The following HEATR5B variants were observed in gnomAD, a reference collection of about 807,000 sequenced individuals.
HEATR5B encodes HEAT repeat containing 5B.
In HEATR5B, 156 loss-of-function variants were observed where a neutral mutation model predicts 224.1. The ratio of observed to expected loss-of-function variants is 0.70; its 90% CI spans 0.61 to 0.80. HEATR5B has a LOEUF of 0.80. Ranked by LOEUF, HEATR5B falls within the 30% of genes least tolerant of loss-of-function variation. The pLI, the probability that HEATR5B is intolerant of heterozygous loss-of-function variation, is 0.00. For synonymous variants in HEATR5B, 1,027 were observed against 893.0 expected, an observed-to-expected ratio of 1.15 and a Z score of -2.68; for missense variants, 2,323 against 2,535.5, an observed-to-expected ratio of 0.92 and a Z score of 1.80.
At chr2:37,031,663 A>G (rs553388321) in intron 22 of HEATR5B, among the ~76,000 whole-genome samples, 7 of 152,142 alleles carry the variant, frequency 4.6e-5, no homozygotes, top group Non-Finnish European at 1.0e-4. Context: ...GATTTTTATA[A>G]TAAACTTCTT....
intron 12 of HEATR5B, among the ~76,000 whole-genome samples, chr2:37,059,391 CAGAT>C (rs1332591124): frequency 7.6e-6 from 1 of 131,912 alleles, no homozygotes; most frequent in Non-Finnish European, 1.6e-5. Context: ...GCAACTTTTA[CAGAT>C]ATATATGTAT....
intron 18 of HEATR5B, among the ~76,000 whole-genome samples, chr2:37,046,329 T>C (rs1039618648): frequency 2.0e-5 from 3 of 152,302 alleles, no homozygotes; most frequent in East Asian, 3.9e-4. Context: ...ACCAGACTTC[T>C]GGCAACCTCA....
rs1489864419 is a variant in HEATR5B, at chr2:37,000,936, C to T, written c.5318-123G>A. ...TATTGTTTTTTTCCTTGTCTTTATA[C>T]AAAATTTACTGTATTACTACTACTA... On this transcript the variant is annotated intron_variant, in intron 32 of 35. Transcript: ENST00000233099. 30 of 641,392 alleles carry T rather than the reference C, an allele frequency of 4.7e-5. No homozygotes were observed. The Admixed American group carries it at 7.2e-4, about 15-fold the overall frequency. The allele number at this position is 641,392 out of a possible 1,614,324, so 39.7% of individuals were successfully genotyped here.
Position 37,041,238 on chromosome 2 carries a change from A to G in HEATR5B, c.2751T>C (p.Gly917=). ...TTCCACCAACATAACGATGCAAACA[A>G]CCAAGAGCCAATGAATGACCAGTCC... ...VSRTGHSLAL[G]CLHRYVGGIG... The change falls in exon 19 of 36, where the codon GGT becomes GGC. Residue 917 remains glycine (G), a synonymous_variant. Coordinates refer to ENST00000233099, the MANE Select transcript of HEATR5B (RefSeq NM_019024.3). 1.9e-6 allele frequency: 3 copies of G among 1,614,156 alleles called. 1 individual carries two copies. The South Asian group carries it at 3.3e-5, about 18-fold the overall frequency.
intron 35 of HEATR5B, among the ~76,000 whole-genome samples, chr2:36,984,102 A>C (rs1343275711): frequency 2.7e-5 from 4 of 148,554 alleles, no homozygotes; most frequent in Non-Finnish European, 4.5e-5. Context: ...CCTGAGGCTG[A>C]GGCAGGAGAA....
At chr2:37,034,188 A>T (rs1196592015) in intron 21 of HEATR5B, among the ~76,000 whole-genome samples, 1 of 150,528 alleles carries the variant, frequency 6.6e-6, no homozygotes, top group Non-Finnish European at 1.5e-5. Context: ...TTGTATTTTT[A>T]GTAGAGATGG....
intron 30 of HEATR5B, among the ~76,000 whole-genome samples, 172 bp from the exon 31 acceptor site, chr2:37,003,858 A>AT: frequency 6.6e-6 from 1 of 152,196 alleles, no homozygotes; most frequent in Non-Finnish European, 1.5e-5. Flanking sequence ...AAATGGTCAC[A>AT]TTTTACTCCT....
intron 17 of HEATR5B, among the ~76,000 whole-genome samples, chr2:37,051,354 C>CAAA (rs11313174): frequency 1.5e-4 from 10 of 66,042 alleles, no homozygotes; most frequent in African/African-American, 3.4e-4. Context: ...AACTCCATCT[C>CAAA]AAAAAAAAAA....
chr2:37,043,189 T>C (rs1479488322), intron 18 of HEATR5B, among the ~76,000 whole-genome samples: 1 of 152,156 alleles, frequency 6.6e-6, no homozygotes, highest in Non-Finnish European at 1.5e-5. Flanking sequence ...TTTAAACAAG[T>C]GAGATCAAGA....
At chr2:37,078,433 T>G (rs1181840824) in intron 3 of HEATR5B, among the ~76,000 whole-genome samples, 1 of 152,208 alleles carries the variant, frequency 6.6e-6, no homozygotes, top group East Asian at 1.9e-4. Flanking sequence ...TATAATCAAT[T>G]CTACTTAACC....
In HEATR5B at chr2:37,000,797, C is replaced by A. The variant is rs751496477; in HGVS notation, c.5334G>T (p.Leu1778=). ...TTGCAATTAAGAACAGAATTGTGGGCAGGATTGTCATACATCCTGAAAGAA... is the reference window on the plus strand; with the variant it reads ...TTGCAATTAAGAACAGAATTGTGGGAAGGATTGTCATACATCCTGAAAGAA... The part of the protein sequence containing the change: ...LCSPAGCMTI[L]PTILFLIARI... Residue 1778 remains leucine, a synonymous_variant, in exon 33 of 36, where the codon CTG becomes CTT. Transcript: ENST00000233099. 6.2e-6 allele frequency: 10 copies of A among 1,612,442 alleles called. No individual in the cohort carries two copies. In the South Asian group the frequency reaches 1.1e-4, roughly 18 times the overall value.
rs1669214268 is a variant in HEATR5B at position 37,032,789 on chromosome 2, A to C, written c.3217-16T>G. 5.6e-6 allele frequency: 9 copies of C among 1,605,940 alleles called. No individual in the cohort carries two copies. Among genetic ancestry groups the C allele is most frequent in the Non-Finnish European group, 7.6e-6 (9 of 1,176,680 alleles). On this transcript the variant is annotated splice_polypyrimidine_tract_variant and intron_variant, in intron 21 of 35. Transcript: ENST00000233099. ...ATAAGTGAACCTGTAAATCATAACAATGTTAGGCGATTTCTCTTTAAAAAG... is the reference window on the plus strand; with the variant it reads ...ATAAGTGAACCTGTAAATCATAACACTGTTAGGCGATTTCTCTTTAAAAAG...
intron 20 of HEATR5B, among the ~76,000 whole-genome samples, chr2:37,039,276 C>T (rs1669727523): frequency 6.6e-6 from 1 of 152,000 alleles, no homozygotes; most frequent in Non-Finnish European, 1.5e-5. Context: ...ACCAGCCTGG[C>T]CAACATGGTG....
Position 37,057,332 on chromosome 2 carries a change from T to C in HEATR5B, c.2208A>G (p.Lys736=). 3 of 1,605,172 alleles carry C rather than the reference T, an allele frequency of 1.9e-6. No individual in the cohort carries two copies. Among genetic ancestry groups the C allele is most frequent in the Non-Finnish European group, 1.7e-6 (2 of 1,177,196 alleles). Residue 736 remains lysine (K), a synonymous_variant, in exon 15 of 36, where the codon AAA becomes AAG. Coordinates refer to ENST00000233099, the MANE Select transcript of HEATR5B (RefSeq NM_019024.3). ...LGSWLQETDH[K]SIEDQLQPNS... ...TGTTTATTACCTGGTCTTCAATTGA[T>C]TTATGATCAGTTTCCTGAAGCCAAG...
intron 34 of HEATR5B, 147 bp downstream of exon 34, chr2:36,990,501 C>T (rs1666256838): frequency 3.2e-6 from 2 of 623,104 alleles, no homozygotes; most frequent in South Asian, 2.7e-5. Flanking sequence ...TGCTTAAACC[C>T]AGTGATTTGT....
At chr2:37,034,732 A>AT (rs1404946594) in intron 21 of HEATR5B, among the ~76,000 whole-genome samples, 1 of 141,824 alleles carries the variant, frequency 7.1e-6, no homozygotes, top group Non-Finnish European at 1.5e-5. Flanking sequence ...TCATTTTTTT[A>AT]TTTTTTGTAG....
chr2:37,010,881 G>C (rs1166239092), intron 27 of HEATR5B, among the ~76,000 whole-genome samples: 1 of 150,304 alleles, frequency 6.7e-6, no homozygotes, highest in African/African-American at 2.5e-5. Flanking sequence ...CTTTTGCCTT[G>C]AATTTGTTAT....
intron 33 of HEATR5B, among the ~76,000 whole-genome samples, chr2:36,992,674 C>CAA (rs1336429444): frequency 1.3e-5 from 2 of 152,276 alleles, no homozygotes; most frequent in East Asian, 3.9e-4. Context: ...ATCTCTTACT[C>CAA]AGAGTTGGCA....
chr2:37,038,435 C>T (rs572310460), intron 20 of HEATR5B, among the ~76,000 whole-genome samples: 237 of 152,254 alleles, frequency 1.6e-3, no homozygotes, highest in African/African-American at 5.3e-3. Flanking sequence ...CCACTGCACC[C>T]GGCCTATATG....
Sources: gnomAD v4.1 joint callset for allele counts (sites outside exome capture counted in the v4.1 genomes callset) on GRCh38, gnomAD v4.1.1 for gene constraint, MANE v1.5 for transcripts, NCBI Gene and HGNC (gene_info 2026-07-23, HGNC 2026-07-21) for gene names.